The following TMEM237 variants were observed in gnomAD, a reference collection of about 807,000 sequenced individuals.
TMEM237 encodes the protein transmembrane protein 237, also known as amyotrophic lateral sclerosis 2 (juvenile) chromosome region, candidate 4.
TMEM237 carries 51 observed loss-of-function variants against 59.1 expected under a neutral mutation model. The ratio of observed to expected loss-of-function variants is 0.86; its 90% CI spans 0.69 to 1.09. The LOEUF (loss-of-function observed/expected upper bound fraction) is 1.09, where lower values mean the gene tolerates loss of function less well. Among genes scored for constraint, TMEM237 ranks in the 50% least tolerant of loss-of-function variants. The probability of loss-of-function intolerance (pLI) is 0.00; values close to 1 mark genes in which losing one functional copy is unlikely to be tolerated. For synonymous variants in TMEM237, 140 were observed against 166.1 expected, an observed-to-expected ratio of 0.84 and a Z score of 1.21; for missense variants, 475 against 478.3, an observed-to-expected ratio of 0.99 and a Z score of 0.06.
intron 10 of TMEM237, 50 bp downstream of exon 10, chr2:201,628,026 A>G: frequency 7.5e-7 from 1 of 1,326,168 alleles, no homozygotes; most frequent in Non-Finnish European, 1.0e-6. Flanking sequence ...GTTCAAAATT[A>G]TGGTATAACT....
chr2:201,643,274 GCC>G lies in TMEM237; in HGVS notation c.42+83_42+84del. On this transcript the variant is annotated intron_variant, in intron 1 of 12. Coordinates refer to ENST00000409883, the MANE Select transcript of TMEM237 (RefSeq NM_001044385.3). This position sits in a 1 kb window ranked among gnomAD's most constrained non-coding sequence, Gnocchi z 4.3. ...CCTTAGTGATTCCCAGCTCGTTGGCGCCCCCCCACACACACCCACCCCCACTG... is the reference window on the plus strand; with the variant it reads ...CCTTAGTGATTCCCAGCTCGTTGGCGCCCCCACACACACCCACCCCCACTG... The G allele has an allele frequency of 8.3e-7, 1 of 1,206,758 alleles. No homozygotes were observed. The highest frequency in any genetic ancestry group is 1.2e-6 in the Non-Finnish European group (1 of 849,318). 74.8% of individuals were successfully genotyped at this position (1,206,758 alleles called of 1,614,324 possible).
chr2:201,636,733 G>T lies in TMEM237; in HGVS notation c.274+15C>A. ...ACAAGTGCTATCACAACTTAACCTT[G>T]GTTTCTTCACATACCAAGAGGTAGC... On this transcript the variant is annotated intron_variant, in intron 5 of 12. Coordinates refer to ENST00000409883, the MANE Select transcript of TMEM237 (RefSeq NM_001044385.3). The T allele has an allele frequency of 6.4e-7, 1 of 1,561,246 alleles. No homozygotes were observed. The highest frequency in any genetic ancestry group is 1.2e-5 in the South Asian group (1 of 84,850).
chr2:201,641,696 T>C (rs1208322921), intron 1 of TMEM237, among the ~76,000 whole-genome samples: 1 of 144,126 alleles, frequency 6.9e-6, no homozygotes, highest in Non-Finnish European at 1.5e-5. Flanking sequence ...CTTGTATACA[T>C]ATCGTGTGTG....
intron 12 of TMEM237, among the ~76,000 whole-genome samples, chr2:201,625,024 G>A (rs190696797): frequency 8.0e-4 from 121 of 152,168 alleles, no homozygotes; most frequent in Non-Finnish European, 1.6e-3. Flanking sequence ...GTAAATAGTT[G>A]GTCAAATAAA....
chr2:201,642,752 G>T lies in TMEM237; in HGVS notation c.42+607C>A, dbSNP rs893646072. The T allele has an allele frequency of 9.6e-6, 14 of 1,460,012 alleles. No individual in the cohort carries two copies. The African/African-American group carries it at 1.2e-4, about 12-fold the overall frequency. The allele number at this position is 1,460,012 out of a possible 1,614,324, so 90.4% of individuals were successfully genotyped here. A position where few individuals can be genotyped will look rare whatever the true frequency, so the allele number is the denominator to read the frequency against. On this transcript the variant is annotated intron_variant, in intron 1 of 12. Transcript: ENST00000409883. ...GCGCCGCCTGGCTAGTACCCCGCGC[G>T]CAGCGCCCTGCGGGGATGTTGCGGT...
intron 4 of TMEM237, among the ~76,000 whole-genome samples, chr2:201,638,239 TTATG>T (rs1216335025): frequency 6.6e-6 from 1 of 152,246 alleles, no homozygotes; most frequent in African/African-American, 2.4e-5. Context: ...ATGATTCCTT[TTATG>T]TTTTTGTTGT....
intron 12 of TMEM237, among the ~76,000 whole-genome samples, chr2:201,625,092 G>A (rs541814181): frequency 5.3e-5 from 8 of 152,292 alleles, no homozygotes; most frequent in East Asian, 3.9e-4. Flanking sequence ...GGCCAGGCGC[G>A]GTGGCTCACG....
In TMEM237 at chr2:201,643,007, G is replaced by C; in HGVS notation, c.42+352C>G. Reference sequence around the variant, plus strand: ...CAGGCGAACAGATCTCTTCTGGGCAGCTACAGACCTCTCCTCGGAGGAGTC... The same window carrying C: ...CAGGCGAACAGATCTCTTCTGGGCACCTACAGACCTCTCCTCGGAGGAGTC... On this transcript the variant is annotated intron_variant, in intron 1 of 12. Coordinates refer to ENST00000409883, the MANE Select transcript of TMEM237 (RefSeq NM_001044385.3). This position sits in a 1 kb window ranked among gnomAD's most constrained non-coding sequence, Gnocchi z 4.3. The C allele has an allele frequency of 7.8e-7, 1 of 1,289,200 alleles. No individual in the cohort carries two copies. Among genetic ancestry groups the C allele is most frequent in the Non-Finnish European group, 9.8e-7 (1 of 1,019,484 alleles). The allele number at this position is 1,289,200 out of a possible 1,614,324, so 79.9% of individuals were successfully genotyped here.
At chr2:201,638,287 C>T (rs1168802461) in intron 4 of TMEM237, among the ~76,000 whole-genome samples, 2 of 152,108 alleles carry the variant, frequency 1.3e-5, no homozygotes, top group Admixed American at 6.5e-5. Flanking sequence ...GCAGCAACCA[C>T]AGAAACCTTT....
intron 1 of TMEM237, among the ~76,000 whole-genome samples, chr2:201,642,417 C>A (rs1037261375): frequency 6.6e-6 from 1 of 152,180 alleles, no homozygotes; most frequent in African/African-American, 2.4e-5. Flanking sequence ...GTCACAGGAA[C>A]GCGCTATTGT....
At chr2:201,629,490 C>T (rs1038805743) in intron 8 of TMEM237, 69 bp from the exon 9 acceptor site, 1 of 1,409,484 alleles carries the variant, frequency 7.1e-7, no homozygotes, top group Admixed American at 3.3e-5. Flanking sequence ...TGTTTAAAAT[C>T]TCTTCATATA....
chr2:201,624,309 G>A lies in TMEM237; in HGVS notation c.1173C>T (p.Ser391=). The A allele has an allele frequency of 6.2e-7, 1 of 1,611,804 alleles. No individual in the cohort carries two copies. The highest frequency in any genetic ancestry group is 8.5e-7 in the Non-Finnish European group (1 of 1,178,704). ...TATCAGGATATTCTTCCACCTCTGA[G>A]GAGAACATTAACTCTGGAGAAGAAA... ...GMDLSEELMF[S]SEVEEYPDKE... Residue 391 remains serine, a synonymous_variant, in exon 13 of 13, where the codon TCC becomes TCT. Coordinates refer to ENST00000409883, the MANE Select transcript of TMEM237 (RefSeq NM_001044385.3).
intron 4 of TMEM237, 190 bp downstream of exon 4, chr2:201,638,799 C>T: frequency 1.6e-6 from 1 of 617,558 alleles, no homozygotes; most frequent in East Asian, 2.8e-5. Flanking sequence ...AGATACTCCT[C>T]AGGCTGCCCA....
intron 1 of TMEM237, 120 bp from the exon 2 acceptor site, chr2:201,641,044 T>G (rs1574587768): frequency 2.5e-6 from 2 of 787,400 alleles, no homozygotes; most frequent in Non-Finnish European, 3.9e-6. Context: ...CAGGCTGGAG[T>G]GCAACGGCAC....
Position 201,636,822 on chromosome 2 carries a change from G to T in TMEM237, c.200C>A (p.Pro67Gln), listed in dbSNP as rs1471149312. 2 of 1,603,986 alleles carry T rather than the reference G, an allele frequency of 1.2e-6. No homozygotes were observed. Among genetic ancestry groups the T allele is most frequent in the East Asian group, 2.2e-5 (1 of 44,750 alleles). Reference protein sequence around the residue: ...AGRRPSEGNEPSTKELKEHPE... With the variant: ...AGRRPSEGNEQSTKELKEHPE... ...GTGCTCTTTGAGTTCTTTAGTTGAT[G>T]GCTCATTGCCCTCAGAGGGCCTTCG... The change falls in exon 5 of 13, where the codon CCA (proline) becomes CAA (glutamine). Residue 67 changes from proline (P) to glutamine (Q), a missense_variant. Physicochemically the swap from Pro to Gln is moderately conservative, Grantham distance 76. Transcript: ENST00000409883.
chr2:201,638,871 T>C, intron 4 of TMEM237, 118 bp downstream of exon 4: 2 of 1,018,804 alleles, frequency 2.0e-6, no homozygotes, highest in South Asian at 3.2e-5. Flanking sequence ...AATTCTATCC[T>C]CAATGAAGTG....
rs1378183002 is a variant in TMEM237, at chr2:201,638,931, C to T, written c.136+58G>A. ...AATTCTCCCTTATCTGTGATGTTTA[C>T]TACGCCTGAGGTCCTGGGAAAACTT... is the stretch of plus-strand genomic sequence containing the variant. On this transcript the variant is annotated intron_variant, in intron 4 of 12. Coordinates refer to ENST00000409883, the MANE Select transcript of TMEM237 (RefSeq NM_001044385.3). 2.0e-6 allele frequency: 3 copies of T among 1,493,532 alleles called. No homozygotes were observed. In the Admixed American group the frequency reaches 6.2e-5, roughly 31 times the overall value. 92.5% of individuals were successfully genotyped at this position (1,493,532 alleles called of 1,614,324 possible). A position where few individuals can be genotyped will look rare whatever the true frequency, so the allele number is the denominator to read the frequency against.
In TMEM237 at chr2:201,628,129, GAT is replaced by G. The variant is rs1559585477; in HGVS notation, c.888_889del (p.Val298SerfsTer33). The G allele has an allele frequency of 4.4e-6, 7 of 1,605,822 alleles. No individual in the cohort carries two copies. Among genetic ancestry groups the G allele is most frequent in the Non-Finnish European group, 6.0e-6 (7 of 1,175,892 alleles). On this transcript the variant is annotated frameshift_variant, in exon 10 of 13. Coordinates refer to ENST00000409883, the MANE Select transcript of TMEM237 (RefSeq NM_001044385.3). LOFTEE classifies it high-confidence loss of function. ...GGCCAAAAAATTTCGGATTGCTACT[GAT>G]ATTTTAGCAAAGTCAATCCTAGAAA...
chr2:201,625,561 A>G (rs1957751416), intron 12 of TMEM237, among the ~76,000 whole-genome samples: 1 of 152,198 alleles, frequency 6.6e-6, no homozygotes, highest in South Asian at 2.1e-4. Context: ...CTGCACACTG[A>G]GCATGTTAAA....
Sources: allele counts gnomAD v4.1 joint callset (sites outside exome capture counted in the v4.1 genomes callset), GRCh38; gene constraint gnomAD v4.1.1; non-coding constraint Gnocchi (gnomAD v3.1); transcripts MANE v1.5; gene names NCBI Gene and HGNC (gene_info 2026-07-23, HGNC 2026-07-21).